Variants in SLC24A2 observed in about 807,000 individuals in gnomAD.
SLC24A2 encodes solute carrier family 24 member 2, also known as sodium/potassium/calcium exchanger 2.
Under a neutral mutation model 62.0 loss-of-function variants are expected in SLC24A2, and 36 were observed. The ratio of observed to expected loss-of-function variants is 0.58; its 90% CI spans 0.44 to 0.77. The LOEUF (loss-of-function observed/expected upper bound fraction) is 0.77, where lower values mean the gene tolerates loss of function less well. Ranked by LOEUF, SLC24A2 falls within the 30% of genes least tolerant of loss-of-function variation. The pLI is 0.00. For synonymous variants in SLC24A2, 358 were observed against 294.0 expected, an observed-to-expected ratio of 1.22 and a Z score of -2.23; for missense variants, 846 against 817.9, an observed-to-expected ratio of 1.03 and a Z score of -0.42.
the SLC24A2 span, among the ~76,000 whole-genome samples, chr9:20,229,997 C>A: frequency 6.7e-6 from 1 of 149,318 alleles, no homozygotes; most frequent in Non-Finnish European, 1.5e-5. Flanking sequence ...GGTTTTTTGT[C>A]CTTGTGATAG....
the SLC24A2 span, among the ~76,000 whole-genome samples, chr9:20,106,772 C>T: frequency 6.6e-6 from 1 of 152,048 alleles, no homozygotes; most frequent in Admixed American, 6.6e-5. Flanking sequence ...GGAAGCATTC[C>T]CTTTGAAAAC....
intron 2 of SLC24A2, among the ~76,000 whole-genome samples, chr9:19,676,454 G>A (rs1217425188): frequency 3.3e-5 from 5 of 152,212 alleles, no homozygotes; most frequent in East Asian, 3.8e-4. Context: ...CTGGAAATCT[G>A]AAGAGCTGGG....
chr9:19,795,391 T>C, the SLC24A2 span, among the ~76,000 whole-genome samples: 20 of 151,666 alleles, frequency 1.3e-4, no homozygotes, highest in Middle Eastern at 3.2e-3. Context: ...TCCACTTGCC[T>C]CTCTTTTTGC....
At chr9:19,869,018 G>C in the SLC24A2 span, among the ~76,000 whole-genome samples, 1 of 152,094 alleles carries the variant, frequency 6.6e-6, no homozygotes, top group Admixed American at 6.5e-5. Context: ...GTCTCACTCT[G>C]TTACCCAGGC....
At chr9:20,062,211 A>G in the SLC24A2 span, among the ~76,000 whole-genome samples, 1 of 152,244 alleles carries the variant, frequency 6.6e-6, no homozygotes, top group Non-Finnish European at 1.5e-5. Context: ...CCTGCGTGAC[A>G]GAGAAAGACC....
At chr9:19,837,429 G>A in the SLC24A2 span, among the ~76,000 whole-genome samples, 11 of 125,128 alleles carry the variant, frequency 8.8e-5, no homozygotes, top group South Asian at 2.7e-4. Flanking sequence ...TCCGCAGTCC[G>A]GCCTGGGCGA....
the SLC24A2 span, among the ~76,000 whole-genome samples, chr9:19,909,374 C>T: frequency 6.6e-6 from 1 of 151,964 alleles, no homozygotes; most frequent in Non-Finnish European, 1.5e-5. Context: ...GGAGATATAC[C>T]TAATGTAAAT....
At chr9:19,967,532 A>T in the SLC24A2 span, 1 of 152,232 alleles carries the variant, frequency 6.6e-6, no homozygotes, top group Non-Finnish European at 1.5e-5. Flanking sequence ...TCAGTCTCTA[A>T]TGTAGGGGTA....
chr9:20,191,164 T>C, the SLC24A2 span, among the ~76,000 whole-genome samples: 6 of 149,260 alleles, frequency 4.0e-5, no homozygotes, highest in Admixed American at 6.7e-5. Flanking sequence ...TCCGGACCTT[T>C]TTTTTTTTTT....
Position 19,514,091 on chromosome 9 carries a change from C to T in SLC24A2, c.*2062G>A, listed in dbSNP as rs554228206. On this transcript the variant is annotated 3_prime_UTR_variant, in exon 11 of 11. Transcript: ENST00000341998. ...GCAGCCATCTTGATTTCTTGTTTTCCCAGGGGGCCTCGGGTTTGAAGTGCT... is the reference window on the plus strand; with the variant it reads ...GCAGCCATCTTGATTTCTTGTTTTCTCAGGGGGCCTCGGGTTTGAAGTGCT... 6.6e-6 allele frequency: 1 copy of T among 152,160 alleles called. No homozygotes were observed. The highest frequency in any genetic ancestry group is 1.5e-5 in the Non-Finnish European group (1 of 68,052). The allele number at this position is 152,160 out of a possible 1,614,324, so 9.4% of individuals were successfully genotyped here.
At chr9:20,065,925 G>A in the SLC24A2 span, among the ~76,000 whole-genome samples, 2 of 152,168 alleles carry the variant, frequency 1.3e-5, no homozygotes, top group South Asian at 2.1e-4. Flanking sequence ...CCCAAGGGCT[G>A]GAAGGATAAA....
the SLC24A2 span, among the ~76,000 whole-genome samples, chr9:20,027,019 T>C: frequency 1.3e-5 from 2 of 152,236 alleles, no homozygotes; most frequent in African/African-American, 4.8e-5. Context: ...TGAATACAAA[T>C]TTCTCAAAAG....
At chr9:20,017,240 C>G in the SLC24A2 span, among the ~76,000 whole-genome samples, 3 of 152,126 alleles carry the variant, frequency 2.0e-5, no homozygotes, top group African/African-American at 4.8e-5. Context: ...CCAGACTGGT[C>G]TCGAACTCCT....
the SLC24A2 span, among the ~76,000 whole-genome samples, chr9:20,158,638 G>C: frequency 2.0e-5 from 3 of 151,308 alleles, no homozygotes; most frequent in African/African-American, 7.3e-5. Flanking sequence ...AGCCTAAAAA[G>C]AATAAGACAG....
At chr9:20,165,666 T>TA in the SLC24A2 span, among the ~76,000 whole-genome samples, 6 of 151,906 alleles carry the variant, frequency 3.9e-5, no homozygotes, top group Non-Finnish European at 7.4e-5. Flanking sequence ...CCATGTTTTT[T>TA]AAAAATTAAG....
the SLC24A2 span, among the ~76,000 whole-genome samples, chr9:20,290,912 C>G: frequency 6.6e-6 from 1 of 152,158 alleles, no homozygotes; most frequent in Non-Finnish European, 1.5e-5. Flanking sequence ...ACTGGACCAC[C>G]TAGCATTGAC....
intron 2 of SLC24A2, among the ~76,000 whole-genome samples, chr9:19,638,538 T>C (rs1398901912): frequency 6.6e-6 from 1 of 152,176 alleles, no homozygotes; most frequent in African/African-American, 2.4e-5. Context: ...TATTTCCCAA[T>C]GAGTTAGACT....
At chr9:20,069,463 T>C in the SLC24A2 span, among the ~76,000 whole-genome samples, 1 of 152,208 alleles carries the variant, frequency 6.6e-6, no homozygotes, top group East Asian at 1.9e-4. Context: ...TATAAACTTA[T>C]ATGTACAGTT....
At chr9:19,847,820 C>G in the SLC24A2 span, among the ~76,000 whole-genome samples, 1 of 152,102 alleles carries the variant, frequency 6.6e-6, no homozygotes, top group Non-Finnish European at 1.5e-5. Flanking sequence ...TCATTTCTTT[C>G]TTCAGACCAG....
Sources: allele counts gnomAD v4.1 joint callset (sites outside exome capture counted in the v4.1 genomes callset), GRCh38; gene constraint gnomAD v4.1.1; transcripts MANE v1.5; gene names NCBI Gene and HGNC (gene_info 2026-07-23, HGNC 2026-07-21).